Variants in STIMATE observed in about 807,000 individuals in gnomAD.
STIMATE encodes STIM activating enhancer, also known as store-operated calcium entry regulator STIMATE.
A neutral mutation model predicts 36.7 loss-of-function variants in STIMATE; 15 were observed. That is an observed-to-expected ratio of 0.41 (90% CI 0.27 to 0.63). The LOEUF (loss-of-function observed/expected upper bound fraction) is 0.63. Ranked by LOEUF, STIMATE falls within the 20% of genes least tolerant of loss-of-function variation. The pLI, the probability that STIMATE is intolerant of heterozygous loss-of-function variation, is 0.32. For missense variants in STIMATE, 305 were observed against 397.3 expected (o/e 0.77, Z 1.98); for synonymous variants, 163 against 162.3 (o/e 1.00, Z -0.03).
intron 1 of STIMATE, among the ~76,000 whole-genome samples, chr3:52,885,171 G>A (rs912034833): frequency 6.6e-6 from 1 of 152,158 alleles, no homozygotes; most frequent in African/African-American, 2.4e-5. Context: ...GATGAGTAAT[G>A]ATATTGAGCA....
chr3:52,864,484 T>C (rs565437556), intron 1 of STIMATE, among the ~76,000 whole-genome samples: 1 of 152,336 alleles, frequency 6.6e-6, no homozygotes, highest in South Asian at 2.1e-4. Flanking sequence ...GGTGCTGCTG[T>C]GAAGACCTCT....
intron 7 of STIMATE, among the ~76,000 whole-genome samples, chr3:52,840,906 A>C (rs1559487667): frequency 1.3e-5 from 2 of 152,010 alleles, no homozygotes; most frequent in Non-Finnish European, 2.9e-5. Flanking sequence ...AGGTTTCACC[A>C]TGTTGGCCAG....
At chr3:52,844,998 T>G in intron 4 of STIMATE, 57 bp from the exon 5 acceptor site, 3 of 1,578,468 alleles carry the variant, frequency 1.9e-6, no homozygotes, top group Non-Finnish European at 2.6e-6. Context: ...AGTGAGATGA[T>G]GTCCCCACCC....
At chr3:52,863,642 C>T (rs762594711) in intron 1 of STIMATE, among the ~76,000 whole-genome samples, 29 of 152,196 alleles carry the variant, frequency 1.9e-4, no homozygotes, top group East Asian at 7.7e-4. Context: ...ACCTAAAAGT[C>T]GACAGTCCAA....
At chr3:52,883,909 C>T (rs1372042954) in intron 1 of STIMATE, among the ~76,000 whole-genome samples, 1 of 152,112 alleles carries the variant, frequency 6.6e-6, no homozygotes, top group East Asian at 1.9e-4. Context: ...TTAGCTGATT[C>T]TTCTTCTGAC....
intron 1 of STIMATE, among the ~76,000 whole-genome samples, chr3:52,857,324 A>C (rs560480749): frequency 1.3e-5 from 2 of 152,258 alleles, no homozygotes; most frequent in Admixed American, 6.5e-5. Flanking sequence ...GAGAATATGG[A>C]GTTGAGGCCA....
chr3:52,885,836 C>T (rs983863840), intron 1 of STIMATE, among the ~76,000 whole-genome samples: 5 of 152,322 alleles, frequency 3.3e-5, no homozygotes, highest in Middle Eastern at 3.4e-3. Flanking sequence ...GGTGGGAAGA[C>T]CACAGGGCTC....
At chr3:52,850,158 C>T (rs1430514595) in intron 3 of STIMATE, among the ~76,000 whole-genome samples, 2 of 152,296 alleles carry the variant, frequency 1.3e-5, no homozygotes, top group East Asian at 1.9e-4. Context: ...GCTGGCTGCG[C>T]GCGGTGGCTC....
chr3:52,886,783 A>G (rs961712787), intron 1 of STIMATE, among the ~76,000 whole-genome samples: 5 of 152,266 alleles, frequency 3.3e-5, no homozygotes, highest in African/African-American at 1.2e-4. Flanking sequence ...CCAGTTATCA[A>G]TGAAACCTTC....
In STIMATE at chr3:52,881,433, G is replaced by A. The variant is rs562175415; in HGVS notation, c.160+15858C>T. On this transcript the variant is annotated intron_variant, in intron 1 of 7. Transcript: ENST00000355083. Reference sequence around the variant, plus strand: ...CAAGAACTCAGGAGGGCTGGGCGCGGTGGCTTGACGCCTGTAATCCCAGCA... The same window carrying A: ...CAAGAACTCAGGAGGGCTGGGCGCGATGGCTTGACGCCTGTAATCCCAGCA... Among the ~76,000 whole-genome samples, 9 of 152,160 alleles carry A rather than the reference G, an allele frequency of 5.9e-5. No individual in the cohort carries two copies. In the East Asian group the frequency reaches 1.6e-3, roughly 26 times the overall value.
chr3:52,894,794 C>A (rs1701837523), intron 1 of STIMATE, among the ~76,000 whole-genome samples: 1 of 152,180 alleles, frequency 6.6e-6, no homozygotes, highest in Admixed American at 6.5e-5. Context: ...AGAAGACAGG[C>A]AGTGAGCCCA....
intron 1 of STIMATE, 82 bp from the exon 2 acceptor site, chr3:52,855,526 T>C (rs1040019863): frequency 3.1e-6 from 5 of 1,591,826 alleles, no homozygotes; most frequent in African/African-American, 2.7e-5. Flanking sequence ...GTTATCAGTC[T>C]ACTCACTGTG....
chr3:52,847,484 C>G (rs1205877205), intron 4 of STIMATE: 3 of 1,289,574 alleles, frequency 2.3e-6, no homozygotes, highest in Non-Finnish European at 3.0e-6. Flanking sequence ...CTGGTCTCAA[C>G]CGCCGGGGCT....
chr3:52,861,964 TG>T (rs1701222154), intron 1 of STIMATE, among the ~76,000 whole-genome samples: 1 of 152,192 alleles, frequency 6.6e-6, no homozygotes, highest in Admixed American at 6.5e-5. Flanking sequence ...TCTTGACTCC[TG>T]GGGAGAAGTT....
chr3:52,843,829 G>A (rs1322238066), intron 5 of STIMATE, 31 bp from the exon 6 acceptor site: 1 of 1,612,350 alleles, frequency 6.2e-7, no homozygotes, highest in Non-Finnish European at 8.5e-7. Context: ...AGTGAGGTAG[G>A]GAGAGGCCAC....
intron 1 of STIMATE, among the ~76,000 whole-genome samples, chr3:52,882,839 T>C (rs1701630352): frequency 1.3e-5 from 2 of 152,206 alleles, no homozygotes; most frequent in Non-Finnish European, 2.9e-5. Context: ...GACCTGGCAA[T>C]TAAGAGTCGG....
intron 7 of STIMATE, among the ~76,000 whole-genome samples, chr3:52,841,496 C>A (rs750108872): frequency 8.5e-5 from 13 of 152,226 alleles, no homozygotes; most frequent in Non-Finnish European, 1.8e-4. Flanking sequence ...CTCCTTAGAC[C>A]TCTGAATACC....
At chr3:52,844,013 T>G (rs761764187) in intron 5 of STIMATE, among the ~76,000 whole-genome samples, 12 of 152,198 alleles carry the variant, frequency 7.9e-5, no homozygotes, top group Non-Finnish European at 1.6e-4. Flanking sequence ...TTTGGCAGCT[T>G]TCCCCTCAGT....
chr3:52,866,033 C>G (rs1701303922), intron 1 of STIMATE, among the ~76,000 whole-genome samples: 1 of 152,192 alleles, frequency 6.6e-6, no homozygotes, highest in Non-Finnish European at 1.5e-5. Flanking sequence ...TGTGCCATCT[C>G]ATTTACTCTA....
Sources: allele counts gnomAD v4.1 joint callset (sites outside exome capture counted in the v4.1 genomes callset), GRCh38; gene constraint gnomAD v4.1.1; transcripts MANE v1.5; gene names NCBI Gene and HGNC (gene_info 2026-07-23, HGNC 2026-07-21).